The following RIMS2 variants were observed in gnomAD, a reference collection of about 807,000 sequenced individuals.
RIMS2 encodes the protein regulating synaptic membrane exocytosis protein 2.
In RIMS2, 59 loss-of-function variants were observed where a neutral mutation model predicts 174.4. The ratio of observed to expected loss-of-function variants is 0.34; its 90% confidence interval spans 0.27 to 0.42. The LOEUF is 0.42. RIMS2 is among the 10% of genes least tolerant of loss of function. RIMS2 has a pLI of 1.00. For missense variants in RIMS2, 1,620 were observed against 1,666.3 expected, an observed-to-expected ratio of 0.97 and a Z score of 0.48; for synonymous variants, 606 against 572.5, an observed-to-expected ratio of 1.06 and a Z score of -0.84.
intron 2 of RIMS2, among the ~76,000 whole-genome samples, chr8:103,756,576 C>G (rs1268040696): frequency 6.6e-6 from 1 of 151,654 alleles, no homozygotes; most frequent in African/African-American, 2.4e-5. Flanking sequence ...GTGGGCCACG[C>G]CACTATGTCC....
chr8:103,716,889 C>T (rs1340207869), intron 2 of RIMS2, among the ~76,000 whole-genome samples: 1 of 152,008 alleles, frequency 6.6e-6, no homozygotes, highest in Non-Finnish European at 1.5e-5. Context: ...TTAAAATACT[C>T]AGGTAGATAC....
intron 19 of RIMS2, among the ~76,000 whole-genome samples, chr8:104,193,468 G>C (rs917694338): frequency 2.0e-5 from 3 of 152,056 alleles, no homozygotes; most frequent in Non-Finnish European, 2.9e-5. Context: ...AATGTCTTTT[G>C]GATTTATGGA....
chr8:104,158,996 C>T (rs2098743427), intron 19 of RIMS2, among the ~76,000 whole-genome samples: 1 of 152,036 alleles, frequency 6.6e-6, no homozygotes, highest in Non-Finnish European at 1.5e-5. Flanking sequence ...ATGGTATTGC[C>T]TAGGTTTTCT....
intron 19 of RIMS2, among the ~76,000 whole-genome samples, chr8:104,191,209 G>A (rs1226321037): frequency 2.0e-5 from 3 of 151,960 alleles, no homozygotes; most frequent in Non-Finnish European, 4.4e-5. Context: ...GTTTCTCAGC[G>A]CAGTGAAAAT....
intron 1 of RIMS2, among the ~76,000 whole-genome samples, chr8:103,601,394 T>C (rs1268791577): frequency 1.3e-5 from 2 of 152,230 alleles, no homozygotes; most frequent in African/African-American, 4.8e-5. Context: ...ATCCTGTTGC[T>C]GGATTGAACA....
intron 19 of RIMS2, among the ~76,000 whole-genome samples, chr8:104,101,440 T>C (rs1323960946): frequency 2.0e-5 from 3 of 152,172 alleles, no homozygotes; most frequent in African/African-American, 7.2e-5. Context: ...TCTTGGACTA[T>C]ATTAATTCTA....
At chr8:104,179,330 C>T (rs2441886) in intron 19 of RIMS2, among the ~76,000 whole-genome samples, 105,102 of 151,786 alleles carry the variant, frequency 0.69, 36,874 homozygotes, top group East Asian at 0.95. Context: ...AATTAGATTT[C>T]TATAACTATA....
chr8:103,540,577 A>G (rs921912839), intron 1 of RIMS2, among the ~76,000 whole-genome samples: 5 of 152,248 alleles, frequency 3.3e-5, no homozygotes, highest in Non-Finnish European at 7.3e-5. Flanking sequence ...CCAGATGTGC[A>G]GCCATCAACA....
chr8:103,989,847 A>G (rs1031489533), intron 17 of RIMS2, among the ~76,000 whole-genome samples: 5 of 152,194 alleles, frequency 3.3e-5, no homozygotes, highest in African/African-American at 1.2e-4. Flanking sequence ...CACATATGGA[A>G]GTATTGAGAC....
At chr8:103,710,960 A>G (rs1024436452) in intron 2 of RIMS2, among the ~76,000 whole-genome samples, 6 of 152,150 alleles carry the variant, frequency 3.9e-5, no homozygotes, top group Admixed American at 1.3e-4. Flanking sequence ...ATACTCTGAA[A>G]TATATTACAG....
intron 3 of RIMS2, among the ~76,000 whole-genome samples, chr8:103,789,056 T>C (rs1339748050): frequency 6.6e-6 from 1 of 152,142 alleles, no homozygotes; most frequent in African/African-American, 2.4e-5. Context: ...CGTCACCCCT[T>C]TCTTTGACTC....
At chr8:103,901,101 C>T (rs2099325866) in intron 4 of RIMS2, among the ~76,000 whole-genome samples, 1 of 152,098 alleles carries the variant, frequency 6.6e-6, no homozygotes, top group Non-Finnish European at 1.5e-5. Context: ...TAGCTGTCAC[C>T]TGGCCTCTAT....
chr8:104,107,426 A>G (rs961702649), intron 19 of RIMS2, among the ~76,000 whole-genome samples: 2 of 152,132 alleles, frequency 1.3e-5, no homozygotes, highest in Non-Finnish European at 2.9e-5. Flanking sequence ...AGTATAGTAT[A>G]TCTATCATTT....
chr8:103,901,784 A>G (rs557731297), intron 4 of RIMS2, among the ~76,000 whole-genome samples: 24 of 152,292 alleles, frequency 1.6e-4, no homozygotes, highest in Admixed American at 1.5e-3. Flanking sequence ...TCCTATTTCA[A>G]ATTCTACTGT....
intron 3 of RIMS2, among the ~76,000 whole-genome samples, chr8:103,781,978 C>T (rs764651945): frequency 9.2e-5 from 14 of 151,834 alleles, no homozygotes; most frequent in Non-Finnish European, 1.8e-4. Context: ...GAACTCCTGA[C>T]CTCCGGTGAT....
At chr8:103,510,073 AT>A (rs1825735908) in intron 1 of RIMS2, among the ~76,000 whole-genome samples, 1 of 152,124 alleles carries the variant, frequency 6.6e-6, no homozygotes, top group Admixed American at 6.6e-5. Context: ...GCCCTTTAGC[AT>A]TTTTTTCTTC....
At chr8:103,897,812 C>G (rs1218786510) in intron 4 of RIMS2, among the ~76,000 whole-genome samples, 1 of 151,642 alleles carries the variant, frequency 6.6e-6, no homozygotes, top group African/African-American at 2.4e-5. Context: ...GGCTTCTTTT[C>G]CCACCATAGA....
At chr8:104,120,106 T>C (rs1008094808) in intron 19 of RIMS2, among the ~76,000 whole-genome samples, 2 of 152,194 alleles carry the variant, frequency 1.3e-5, no homozygotes, top group African/African-American at 4.8e-5. Context: ...AGTATTTTCA[T>C]TTCTTCAGGC....
At chr8:104,096,246 A>C (rs1490410742) in intron 19 of RIMS2, among the ~76,000 whole-genome samples, 1 of 152,174 alleles carries the variant, frequency 6.6e-6, no homozygotes, top group Non-Finnish European at 1.5e-5. Context: ...ATACATGAGA[A>C]CACATGAGCC....
Sources: gnomAD v4.1 joint callset for allele counts (sites outside exome capture counted in the v4.1 genomes callset) on GRCh38, gnomAD v4.1.1 for gene constraint, MANE v1.5 for transcripts, NCBI Gene and HGNC (gene_info 2026-07-23, HGNC 2026-07-21) for gene names.